WWOX: variants seen among roughly 807,000 people sequenced by gnomAD.
WWOX encodes WW domain-containing oxidoreductase.
WWOX carries 69 observed loss-of-function variants against 46.2 expected under a neutral mutation model. The ratio of observed to expected loss-of-function variants is 1.49; its 90% confidence interval spans 1.23 to 1.82. The LOEUF (loss-of-function observed/expected upper bound fraction) is 1.82. WWOX is among the 40% of genes most tolerant of loss of function. The probability of loss-of-function intolerance (pLI) is 0.00; values close to 1 mark genes in which losing one functional copy is unlikely to be tolerated. For synonymous variants in WWOX, 359 were observed against 202.6 expected (o/e 1.77, Z -6.56); for missense variants, 919 against 542.6 (o/e 1.69, Z -6.89).
chr16:78,776,193 G>C (rs889300528), intron 8 of WWOX, among the ~76,000 whole-genome samples: 1 of 152,142 alleles, frequency 6.6e-6, no homozygotes, highest in African/African-American at 2.4e-5. Flanking sequence ...ATGTTTTCCA[G>C]TCTTTCTCTA....
chr16:78,693,006 A>G (rs183809691), intron 8 of WWOX, among the ~76,000 whole-genome samples: 13 of 152,314 alleles, frequency 8.5e-5, no homozygotes, highest in African/African-American at 3.1e-4. Context: ...TCCACGGAAG[A>G]GTTTGAAAGC....
chr16:78,787,437 C>G (rs1361348700), intron 8 of WWOX, among the ~76,000 whole-genome samples: 1 of 152,120 alleles, frequency 6.6e-6, no homozygotes, highest in African/African-American at 2.4e-5. Context: ...CCTTTTGTGT[C>G]TGGCTTCTTG....
chr16:78,592,693 G>T (rs148446200), intron 8 of WWOX, among the ~76,000 whole-genome samples: 1 of 152,314 alleles, frequency 6.6e-6, no homozygotes, highest in African/African-American at 2.4e-5. Context: ...TTTCGCTGCT[G>T]CTAACAAGGA....
At chr16:79,048,336 A>G (rs1304224158) in intron 8 of WWOX, among the ~76,000 whole-genome samples, 1 of 152,034 alleles carries the variant, frequency 6.6e-6, no homozygotes, top group Non-Finnish European at 1.5e-5. Flanking sequence ...AGCCCCACAC[A>G]CATGCCGGTG....
chr16:78,878,626 A>G (rs1225543777), intron 8 of WWOX, among the ~76,000 whole-genome samples: 1 of 152,166 alleles, frequency 6.6e-6, no homozygotes, highest in Non-Finnish European at 1.5e-5. Flanking sequence ...TGAAGAACCT[A>G]GCACACTGTT....
chr16:78,746,733 G>C (rs778364846), intron 8 of WWOX, among the ~76,000 whole-genome samples: 32 of 151,804 alleles, frequency 2.1e-4, no homozygotes, highest in Non-Finnish European at 3.8e-4. Flanking sequence ...GAATGAGATA[G>C]ATGAAACAGA....
At chr16:78,434,017 C>A (rs1011152851) in intron 8 of WWOX, among the ~76,000 whole-genome samples, 2 of 151,976 alleles carry the variant, frequency 1.3e-5, no homozygotes, top group African/African-American at 4.8e-5. Flanking sequence ...TCTCAATCTC[C>A]TGACCTCGTG....
chr16:78,820,208 A>G (rs1394390496), intron 8 of WWOX, among the ~76,000 whole-genome samples: 1 of 152,088 alleles, frequency 6.6e-6, no homozygotes, highest in East Asian at 1.9e-4. Context: ...TGGGTGTTGT[A>G]AGAAAGCAAG....
chr16:78,944,618 A>T (rs2045914787), intron 8 of WWOX, among the ~76,000 whole-genome samples: 1 of 152,130 alleles, frequency 6.6e-6, no homozygotes, highest in African/African-American at 2.4e-5. Context: ...TCATACTGGG[A>T]TCTTTGGAAT....
chr16:78,932,183 A>C (rs2045637650), intron 8 of WWOX, among the ~76,000 whole-genome samples: 1 of 152,218 alleles, frequency 6.6e-6, no homozygotes, highest in Non-Finnish European at 1.5e-5. Context: ...CTTGACTCCC[A>C]GTCCTTCGAA....
rs563852924 is a variant in WWOX, at chr16:78,391,423, C to G, written c.605+4475C>G. 3.9e-5 allele frequency among the ~76,000 whole-genome samples: 6 copies of G among 152,326 alleles called. No individual in the cohort carries two copies. The South Asian group carries it at 8.3e-4, about 21-fold the overall frequency. Reference sequence around the variant, plus strand: ...CAGAGAGCCTAAGACACTTTCTCAACTTGAGCAAGTAGGAGATCCAGAATT... The same window carrying G: ...CAGAGAGCCTAAGACACTTTCTCAAGTTGAGCAAGTAGGAGATCCAGAATT... On this transcript the variant is annotated intron_variant, in intron 6 of 8. Coordinates refer to ENST00000566780, the MANE Select transcript of WWOX (RefSeq NM_016373.4).
chr16:78,528,331 C>G (rs2043533178), intron 8 of WWOX, among the ~76,000 whole-genome samples: 2 of 151,366 alleles, frequency 1.3e-5, no homozygotes, highest in Admixed American at 1.3e-4. Context: ...GTATTCTAAC[C>G]CAGTCTAGTG....
At chr16:78,499,307 G>C (rs1004091549) in intron 8 of WWOX, among the ~76,000 whole-genome samples, 1 of 152,178 alleles carries the variant, frequency 6.6e-6, no homozygotes, top group Non-Finnish European at 1.5e-5. Context: ...TCTGGTGGTG[G>C]GGTGGCACAC....
intron 8 of WWOX, among the ~76,000 whole-genome samples, chr16:78,763,549 C>A (rs1430401971): frequency 6.6e-6 from 1 of 152,170 alleles, no homozygotes; most frequent in Non-Finnish European, 1.5e-5. Flanking sequence ...TGTTCCAAAT[C>A]TCTCAAACTC....
At chr16:78,474,280 C>G (rs1276401174) in intron 8 of WWOX, among the ~76,000 whole-genome samples, 5 of 152,174 alleles carry the variant, frequency 3.3e-5, no homozygotes, top group Non-Finnish European at 5.9e-5. Flanking sequence ...TGCTAAAGTT[C>G]TCATTTCATG....
chr16:78,615,151 C>T (rs937088400), intron 8 of WWOX, among the ~76,000 whole-genome samples: 1 of 152,210 alleles, frequency 6.6e-6, no homozygotes, highest in African/African-American at 2.4e-5. Flanking sequence ...AAAATACTCA[C>T]ATTCCCATTA....
chr16:78,960,333 T>C (rs935566412), intron 8 of WWOX, among the ~76,000 whole-genome samples: 3 of 152,200 alleles, frequency 2.0e-5, no homozygotes, highest in African/African-American at 4.8e-5. Context: ...GCTTGTGGTA[T>C]ATTCAAAACT....
At chr16:78,438,215 C>G (rs180671284) in intron 8 of WWOX, among the ~76,000 whole-genome samples, 8 of 152,252 alleles carry the variant, frequency 5.3e-5, no homozygotes, top group Admixed American at 5.2e-4. Context: ...ATTCCAAGTT[C>G]TACAATCTTA....
chr16:78,615,446 C>G (rs116327529), intron 8 of WWOX, among the ~76,000 whole-genome samples: 2,461 of 152,136 alleles, frequency 0.016, 60 homozygotes, highest in African/African-American at 0.056. Context: ...GCCCAGAATT[C>G]AAGACCAGGC....
Sources: gnomAD v4.1 joint callset for allele counts (sites outside exome capture counted in the v4.1 genomes callset) on GRCh38, gnomAD v4.1.1 for gene constraint, MANE v1.5 for transcripts, NCBI Gene and HGNC (gene_info 2026-07-23, HGNC 2026-07-21) for gene names.